Variants in MYO5C observed in about 807,000 individuals in gnomAD.
The protein encoded by MYO5C is unconventional myosin-Vc.
Under a neutral mutation model 235.7 loss-of-function variants are expected in MYO5C, and 194 were observed. The ratio of observed to expected loss-of-function variants is 0.82; its 90% CI spans 0.73 to 0.93. MYO5C has a LOEUF of 0.93. Among genes scored for constraint, MYO5C ranks in the 40% least tolerant of loss-of-function variants. The pLI is 0.00. For missense variants in MYO5C, 2,038 were observed against 2,127.2 expected, an observed-to-expected ratio of 0.96 and a Z score of 0.82; for synonymous variants, 707 against 754.8, an observed-to-expected ratio of 0.94 and a Z score of 1.04.
chr15:52,232,105 A>G (rs2035963257), intron 24 of MYO5C, among the ~76,000 whole-genome samples: 1 of 151,770 alleles, frequency 6.6e-6, no homozygotes, highest in African/African-American at 2.4e-5. Context: ...AAGTAAAAAA[A>G]AAAGAAAAGA....
chr15:52,259,354 A>C lies in MYO5C; in HGVS notation c.1313+1508T>G, dbSNP rs1205558367. Among the ~76,000 whole-genome samples, 15 of 147,162 alleles carry C rather than the reference A, an allele frequency of 1.0e-4. No homozygotes were observed. In the Admixed American group the frequency reaches 1.0e-3, roughly 10 times the overall value. The stretch of plus-strand genomic sequence containing the variant: ...AGAATCGCTTGAACCTGGGAGGCAG[A>C]GGTTGCAGTGAGCCGAGATGGTGCC... On this transcript the variant is annotated intron_variant, in intron 10 of 40. Transcript: ENST00000261839.
At position 52,261,021 on chromosome 15, in the gene MYO5C, A is replaced by G. The variant is rs991089437; in HGVS notation, c.1154T>C (p.Val385Ala). ...CTGAGGCCTGGTCATGGGTTTTACC[A>G]CCGTCTCAGAGCTTGTGACGATTTT... ...NRKIVTSSET[V>A]VKPMTRPQAV... is the part of the protein sequence containing the mutation. Residue 385 changes from valine (V) to alanine (A), a missense_variant, in exon 10 of 41, where the codon GTG becomes GCG. Coordinates refer to ENST00000261839, the MANE Select transcript of MYO5C (RefSeq NM_018728.4). The G allele has an allele frequency of 1.4e-5, 22 of 1,614,052 alleles. No homozygotes were observed. Among genetic ancestry groups the G allele is most frequent in the Non-Finnish European group, 1.9e-5 (22 of 1,180,038 alleles).
At chr15:52,292,140 A>G (rs1350455659) in intron 1 of MYO5C, among the ~76,000 whole-genome samples, 1 of 152,190 alleles carries the variant, frequency 6.6e-6, no homozygotes, top group African/African-American at 2.4e-5. Flanking sequence ...TAGTACTTTT[A>G]ATGGCTTCAT....
intron 39 of MYO5C, 29 bp downstream of exon 39, chr15:52,196,280 C>T (rs1433524914): frequency 6.4e-7 from 1 of 1,566,752 alleles, no homozygotes; most frequent in African/African-American, 1.4e-5. Flanking sequence ...CAGGGAAGAG[C>T]CAGGGAGACA....
chr15:52,236,200 A>G (rs2036081218), intron 22 of MYO5C, among the ~76,000 whole-genome samples: 1 of 152,202 alleles, frequency 6.6e-6, no homozygotes, highest in South Asian at 2.1e-4. Flanking sequence ...TATCATTTCA[A>G]CTTCTCCTGG....
chr15:52,261,513 A>G (rs1426989799), intron 9 of MYO5C, among the ~76,000 whole-genome samples: 1 of 152,178 alleles, frequency 6.6e-6, no homozygotes, highest in Non-Finnish European at 1.5e-5. Context: ...ATCCTGGGCC[A>G]CTTGTCAGAG....
At chr15:52,265,964 C>G (rs569444145) in intron 8 of MYO5C, among the ~76,000 whole-genome samples, 1 of 152,326 alleles carries the variant, frequency 6.6e-6, no homozygotes, top group Admixed American at 6.5e-5. Context: ...CTCCTCCATC[C>G]GAAGGACAGA....
rs76791236 is a variant in MYO5C at position 52,267,824 on chromosome 15, G to A, written c.940+1929C>T. On this transcript the variant is annotated intron_variant, in intron 8 of 40. Transcript: ENST00000261839. ...GTGAGGAGGAGGACATAATAGAGGT[G>A]GGAGAGAGTAGAAGGATCAGGGAGA... is the stretch of plus-strand genomic sequence containing the variant. Among the ~76,000 whole-genome samples the A allele has an allele frequency of 8.8e-3, 1,335 of 152,246 alleles. 11 individuals carry two copies. The highest frequency in any genetic ancestry group is 0.016 in the Non-Finnish European group (1,091 of 68,020).
chr15:52,229,267 G>A lies in MYO5C; in HGVS notation c.3073C>T (p.Gln1025Ter). 1 of 1,614,128 alleles carries A rather than the reference G, an allele frequency of 6.2e-7. No individual in the cohort carries two copies. The highest frequency in any genetic ancestry group is 8.5e-7 in the Non-Finnish European group (1 of 1,180,022). ...FELKTQDYEK[Q>*]IQSLKEEIKA... ...ATTTCTTCTTTCAAAGACTGAATCT[G>A]CTTCTCATAGTCTTGTGTTTTCAGT... The change falls in exon 25 of 41, where the codon CAG (glutamine) becomes TAG (stop). Residue 1025 changes from glutamine to a stop codon, truncating the protein, a stop_gained. Coordinates refer to ENST00000261839, the MANE Select transcript of MYO5C (RefSeq NM_018728.4). LOFTEE classifies it high-confidence loss of function.
rs569579480 is a variant in MYO5C, at chr15:52,227,588, C to T, written c.3207+1545G>A. Among the ~76,000 whole-genome samples, 16 of 152,228 alleles carry T rather than the reference C, an allele frequency of 1.1e-4. No homozygotes were observed. The South Asian group carries it at 1.7e-3, about 16-fold the overall frequency. The stretch of plus-strand genomic sequence containing the variant: ...ACACCTACTGGTACCTCTCTGCAAG[C>T]GCAGTCTCACAAGTTCCTACATTTA... On this transcript the variant is annotated intron_variant, in intron 25 of 40. Coordinates refer to ENST00000261839, the MANE Select transcript of MYO5C (RefSeq NM_018728.4).
chr15:52,262,203 G>A (rs994663454), intron 9 of MYO5C, among the ~76,000 whole-genome samples: 5 of 152,226 alleles, frequency 3.3e-5, no homozygotes, highest in African/African-American at 1.2e-4. Flanking sequence ...CAAATTTAAC[G>A]TGTCCAACAT....
intron 32 of MYO5C, among the ~76,000 whole-genome samples, chr15:52,215,004 A>G (rs1342441369): frequency 6.6e-6 from 1 of 152,188 alleles, no homozygotes; most frequent in African/African-American, 2.4e-5. Context: ...GACATCTCAT[A>G]TAAATAAATT....
At chr15:52,218,985 G>A (rs188478783) in intron 31 of MYO5C, among the ~76,000 whole-genome samples, 23 of 152,262 alleles carry the variant, frequency 1.5e-4, no homozygotes, top group African/African-American at 4.3e-4. Context: ...CCCACCATAC[G>A]CTGTGACAGC....
intron 2 of MYO5C, among the ~76,000 whole-genome samples, chr15:52,281,323 A>T (rs8040562): frequency 1.3e-5 from 2 of 152,122 alleles, no homozygotes; most frequent in African/African-American, 4.8e-5. Context: ...AGCTAAAGAG[A>T]GGTCTGGCTG....
At chr15:52,240,463 C>A (rs1473118254) in intron 20 of MYO5C, among the ~76,000 whole-genome samples, 3 of 140,162 alleles carry the variant, frequency 2.1e-5, no homozygotes, top group African/African-American at 7.9e-5. Flanking sequence ...CCTAGCTACT[C>A]AGGAGGCTGA....
Position 52,244,344 on chromosome 15 carries a change from A to T in MYO5C, c.2390+12T>A, listed in dbSNP as rs768810431. ...CCCACAGTTCCACATGTGTTCCTTG[A>T]TTCCAACATACCTCACAGTTTGCTG... On this transcript the variant is annotated intron_variant, in intron 19 of 40. Coordinates refer to ENST00000261839, the MANE Select transcript of MYO5C (RefSeq NM_018728.4). 1 of 1,609,676 alleles carries T rather than the reference A, an allele frequency of 6.2e-7. No homozygotes were observed. Among genetic ancestry groups the T allele is most frequent in the South Asian group, 1.1e-5 (1 of 90,966 alleles).
intron 4 of MYO5C, among the ~76,000 whole-genome samples, chr15:52,276,672 C>T (rs2037059856): frequency 6.6e-6 from 1 of 152,200 alleles, no homozygotes; most frequent in Admixed American, 6.5e-5. Flanking sequence ...CTTATGTCAA[C>T]TCCTTTCTGC....
chr15:52,272,926 T>G (rs1368013202), intron 5 of MYO5C, among the ~76,000 whole-genome samples: 2 of 152,198 alleles, frequency 1.3e-5, no homozygotes, highest in Non-Finnish European at 2.9e-5. Context: ...AGGTTCTCCT[T>G]GGTCCCACTG....
intron 38 of MYO5C, among the ~76,000 whole-genome samples, chr15:52,198,927 T>C (rs1369387499): frequency 1.3e-5 from 2 of 151,452 alleles, no homozygotes; most frequent in African/African-American, 2.4e-5. Context: ...GGAGTCTCGC[T>C]CTGTTGCCCA....
Sources: allele counts gnomAD v4.1 joint callset (sites outside exome capture counted in the v4.1 genomes callset), GRCh38; gene constraint gnomAD v4.1.1; transcripts MANE v1.5; gene names NCBI Gene and HGNC (gene_info 2026-07-23, HGNC 2026-07-21).